The following KIAA1217 variants were observed in gnomAD, a reference collection of about 807,000 sequenced individuals.
KIAA1217 encodes sickle tail protein homolog.
In KIAA1217, 88 loss-of-function variants were observed where a neutral mutation model predicts 163.9. The observed-to-expected ratio is 0.54, with a 90% CI of 0.45 to 0.64. The LOEUF (loss-of-function observed/expected upper bound fraction) is 0.64. KIAA1217 is among the 30% of genes least tolerant of loss of function. The pLI, the probability that KIAA1217 is intolerant of heterozygous loss-of-function variation, is 0.00. For missense variants in KIAA1217, 2,372 were observed against 2,475.0 expected (o/e 0.96, Z 0.88); for synonymous variants, 903 against 923.1 (o/e 0.98, Z 0.39).
At chr10:23,764,257 C>T (rs1834404619) in intron 1 of KIAA1217, among the ~76,000 whole-genome samples, 2 of 152,140 alleles carry the variant, frequency 1.3e-5, no homozygotes, top group Admixed American at 1.3e-4. Flanking sequence ...CAATGAGTTA[C>T]CATCTCATGC....
At chr10:24,489,531 C>T (rs1324257852) in intron 6 of KIAA1217, among the ~76,000 whole-genome samples, 1 of 150,170 alleles carries the variant, frequency 6.7e-6, no homozygotes, top group Admixed American at 6.6e-5. Context: ...AGTACAAAGT[C>T]TCTAGTCAAA....
chr10:24,542,716 T>C lies in KIAA1217; in HGVS notation c.3558T>C (p.Asp1186=). The change falls in exon 18 of 21, where the codon GAT becomes GAC. Residue 1186 remains aspartate, a synonymous_variant. Coordinates refer to ENST00000376454, the MANE Select transcript of KIAA1217 (RefSeq NM_019590.5). ...AGAATTTGGAATTTTTCCATGAAGA[T>C]GTACGGAAATCTGATGTTGAATATG... ...EKKNLEFFHE[D]VRKSDVEYEN... 6.2e-7 allele frequency: 1 copy of C among 1,614,224 alleles called. No homozygotes were observed. Among genetic ancestry groups the C allele is most frequent in the Non-Finnish European group, 8.5e-7 (1 of 1,180,022 alleles).
At chr10:23,938,473 C>T (rs975289234) in intron 1 of KIAA1217, among the ~76,000 whole-genome samples, 5 of 150,764 alleles carry the variant, frequency 3.3e-5, no homozygotes, top group African/African-American at 1.2e-4. Flanking sequence ...TGGTTTCAAC[C>T]AACTACAGAC....
chr10:24,165,987 C>A (rs2131898100), intron 2 of KIAA1217, among the ~76,000 whole-genome samples: 1 of 152,256 alleles, frequency 6.6e-6, no homozygotes, highest in African/African-American at 2.4e-5. Context: ...ACTCAGTTGC[C>A]TTTCTTCTTC....
rs180710900 is a variant in KIAA1217 at position 24,263,505 on chromosome 10, A to G, written c.354+43596A>G. On this transcript the variant is annotated intron_variant, in intron 2 of 20. Coordinates refer to ENST00000376454, the MANE Select transcript of KIAA1217 (RefSeq NM_019590.5). ...GTCTTTAGTGTCTCACAGAAGGAAC[A>G]CTGGGTTCTTGAGTGCCTGCCATCT... Among the ~76,000 whole-genome samples, 85 of 152,296 alleles carry G rather than the reference A, an allele frequency of 5.6e-4. 2 individuals carry two copies. The East Asian group carries it at 0.015, about 27-fold the overall frequency.
chr10:24,129,509 TA>T (rs1338350392), intron 2 of KIAA1217, among the ~76,000 whole-genome samples: 1 of 152,176 alleles, frequency 6.6e-6, no homozygotes, highest in African/African-American at 2.4e-5. Flanking sequence ...CAAATGTCTT[TA>T]AAGTATATAA....
upstream of KIAA1217, chr10:24,209,059 A>G (rs974880227): frequency 1.5e-6 from 1 of 678,436 alleles, no homozygotes; most frequent in Non-Finnish European, 2.5e-6. Context: ...CGGAGTGGAA[A>G]ATAGTTTGGG....
intron 1 of KIAA1217, among the ~76,000 whole-genome samples, chr10:23,820,084 T>A (rs1156802150): frequency 9.2e-5 from 14 of 152,210 alleles, no homozygotes; most frequent in Non-Finnish European, 5.9e-5. Context: ...CAACTTTTTA[T>A]TACGTAGGGT....
At chr10:24,427,575 T>C (rs72776764) in intron 3 of KIAA1217, among the ~76,000 whole-genome samples, 2,465 of 152,316 alleles carry the variant, frequency 0.016, 34 homozygotes, top group Middle Eastern at 0.065. Context: ...ATAGTATCCA[T>C]CTGACAAGAG....
intron 2 of KIAA1217, among the ~76,000 whole-genome samples, chr10:24,017,199 T>C (rs1273709956): frequency 6.6e-6 from 1 of 151,952 alleles, no homozygotes; most frequent in Non-Finnish European, 1.5e-5. Flanking sequence ...ACTATAGGCA[T>C]GTGTCACCAC....
chr10:24,157,912 A>T (rs1420854928), intron 2 of KIAA1217: 1 of 682,010 alleles, frequency 1.5e-6, no homozygotes, highest in Admixed American at 2.2e-5. Context: ...CTCCAAAGCC[A>T]GGAGTTAATG....
intron 3 of KIAA1217, among the ~76,000 whole-genome samples, chr10:24,407,074 C>G (rs1388385312): frequency 6.6e-6 from 1 of 152,204 alleles, no homozygotes; most frequent in East Asian, 1.9e-4. Context: ...CTGGGCAGAT[C>G]TCTTCTCCTT....
At chr10:24,432,529 C>A (rs190619007) in intron 3 of KIAA1217, among the ~76,000 whole-genome samples, 1 of 151,960 alleles carries the variant, frequency 6.6e-6, no homozygotes, top group Admixed American at 6.6e-5. Flanking sequence ...AATCATAGCT[C>A]ACTGCAGCCT....
At chr10:24,497,361 C>T (rs1485528284) in intron 8 of KIAA1217, among the ~76,000 whole-genome samples, 4 of 152,104 alleles carry the variant, frequency 2.6e-5, no homozygotes, top group African/African-American at 9.7e-5. Flanking sequence ...AGGAAGATGT[C>T]ATTACCCATA....
chr10:24,150,649 T>C (rs542428896), intron 2 of KIAA1217, among the ~76,000 whole-genome samples: 1 of 152,306 alleles, frequency 6.6e-6, no homozygotes, highest in East Asian at 1.9e-4. Context: ...TAGGAGTTTA[T>C]AGATAATCAA....
At chr10:24,220,619 TA>T (rs2069477381) in intron 2 of KIAA1217, among the ~76,000 whole-genome samples, 1 of 151,830 alleles carries the variant, frequency 6.6e-6, no homozygotes, top group Non-Finnish European at 1.5e-5. Flanking sequence ...CATGCCCGGC[TA>T]ATTTTTTGTA....
intron 1 of KIAA1217, among the ~76,000 whole-genome samples, chr10:23,800,873 G>T (rs893933611): frequency 6.6e-6 from 1 of 152,152 alleles, no homozygotes; most frequent in Non-Finnish European, 1.5e-5. Context: ...TTACACTGTT[G>T]GTGGGAGTGT....
intron 2 of KIAA1217, among the ~76,000 whole-genome samples, chr10:24,312,043 A>G (rs543588591): frequency 6.6e-6 from 1 of 152,218 alleles, no homozygotes; most frequent in South Asian, 2.1e-4. Context: ...CTGGATACAT[A>G]AGGTGACCCG....
chr10:24,299,700 A>G (rs547482158), intron 2 of KIAA1217, among the ~76,000 whole-genome samples: 11 of 152,244 alleles, frequency 7.2e-5, no homozygotes, highest in African/African-American at 2.6e-4. Flanking sequence ...GACTCAATCT[A>G]GTTTTTTCCT....
Sources: gnomAD v4.1 joint callset for allele counts (sites outside exome capture counted in the v4.1 genomes callset) on GRCh38, gnomAD v4.1.1 for gene constraint, MANE v1.5 for transcripts, NCBI Gene and HGNC (gene_info 2026-07-23, HGNC 2026-07-21) for gene names.